The following TMEM272 variants were observed in gnomAD, a reference collection of about 807,000 sequenced individuals.
The protein encoded by TMEM272 is transmembrane protein 272.
A neutral mutation model predicts 3.7 loss-of-function variants in TMEM272; 8 were observed. That is an observed-to-expected ratio of 2.17 (90% confidence interval 1.27 to 3.91). The LOEUF is 3.91. TMEM272 is among the 30% of genes most tolerant of loss of function. The pLI is 0.00. For missense variants in TMEM272, 166 were observed against 91.5 expected (o/e 1.81, Z -3.32); for synonymous variants, 63 against 39.8 (o/e 1.58, Z -2.20).
chr13:51,900,145 G>A, the TMEM272 span, among the ~76,000 whole-genome samples: 343 of 152,182 alleles, frequency 2.3e-3, 3 homozygotes, highest in African/African-American at 7.6e-3. Context: ...AATGTAAATC[G>A]GACTTCTTCA....
chr13:51,832,482 G>A (rs766361083), intron 2 of TMEM272, among the ~76,000 whole-genome samples: 1 of 152,198 alleles, frequency 6.6e-6, no homozygotes, highest in Non-Finnish European at 1.5e-5. Context: ...GCTCCACTGA[G>A]CTATCAAATA....
chr13:51,887,684 G>A, the TMEM272 span, among the ~76,000 whole-genome samples: 1 of 152,146 alleles, frequency 6.6e-6, no homozygotes, highest in Non-Finnish European at 1.5e-5. Flanking sequence ...AGAGGTATTT[G>A]TTTCCACGAC....
chr13:51,911,986 G>A, the TMEM272 span, among the ~76,000 whole-genome samples: 451 of 152,006 alleles, frequency 3.0e-3, 1 homozygote, highest in African/African-American at 0.01. Flanking sequence ...CCCTTACTTC[G>A]GGCACCCACA....
the TMEM272 span, among the ~76,000 whole-genome samples, chr13:51,851,353 G>T: frequency 1.3e-5 from 2 of 148,262 alleles, no homozygotes; most frequent in Admixed American, 1.3e-4. Flanking sequence ...CAAAAAAAAA[G>T]AAGAGGAAGA....
chr13:51,902,745 C>T, the TMEM272 span, among the ~76,000 whole-genome samples: 10 of 152,276 alleles, frequency 6.6e-5, no homozygotes, highest in Non-Finnish European at 2.9e-5. Context: ...TTCTGCTAAG[C>T]TGCTCCCAAA....
chr13:51,922,914 G>A, the TMEM272 span, among the ~76,000 whole-genome samples: 1 of 152,078 alleles, frequency 6.6e-6, no homozygotes, highest in African/African-American at 2.4e-5. Context: ...TGATTATCTG[G>A]GGCCACCCAC....
At chr13:51,841,273 C>A (rs1956261375) in intron 1 of TMEM272, among the ~76,000 whole-genome samples, 1 of 152,204 alleles carries the variant, frequency 6.6e-6, no homozygotes, top group South Asian at 2.1e-4. Flanking sequence ...CAGCCACGAA[C>A]CACAGCATTT....
At chr13:51,879,547 T>C in the TMEM272 span, among the ~76,000 whole-genome samples, 1 of 152,148 alleles carries the variant, frequency 6.6e-6, no homozygotes, top group African/African-American at 2.4e-5. Flanking sequence ...AATTAAAAAT[T>C]TGTACAATTC....
the TMEM272 span, among the ~76,000 whole-genome samples, chr13:51,868,806 T>A: frequency 1.3e-5 from 2 of 152,244 alleles, no homozygotes; most frequent in African/African-American, 2.4e-5. Context: ...AAATGAATCA[T>A]CTTTTATTCC....
At chr13:51,859,437 G>C in the TMEM272 span, among the ~76,000 whole-genome samples, 8 of 151,102 alleles carry the variant, frequency 5.3e-5, no homozygotes, top group African/African-American at 2.0e-4. Context: ...GCGAAGGCTA[G>C]GCAGAATCAT....
chr13:51,910,925 C>T, the TMEM272 span, among the ~76,000 whole-genome samples: 1 of 152,200 alleles, frequency 6.6e-6, no homozygotes, highest in Admixed American at 6.5e-5. Context: ...CCAGCTATGC[C>T]CATCCCCAAG....
the TMEM272 span, chr13:51,933,547 A>C: frequency 6.6e-6 from 1 of 152,226 alleles, no homozygotes; most frequent in Non-Finnish European, 1.5e-5. Context: ...CTAAAACTGA[A>C]CCCGTTCTGC....
At chr13:51,908,851 G>A in the TMEM272 span, 12 of 1,435,614 alleles carry the variant, frequency 8.4e-6, no homozygotes, top group Non-Finnish European at 1.1e-5. Context: ...GGTGACAGGG[G>A]CCCAGTGTCA....
At chr13:51,866,224 G>A in the TMEM272 span, 27 of 699,872 alleles carry the variant, frequency 3.9e-5, no homozygotes, top group African/African-American at 4.9e-4. Context: ...GCAAGGTTTG[G>A]AAAACCAACT....
chr13:51,813,620 C>A lies in TMEM272; in HGVS notation c.*3131G>T. The stretch of plus-strand genomic sequence containing the variant: ...CACCGAATCAGAACCAGCTGGGCCC[C>A]ACAAGTCAGTCTCTGGGGGCTGTGA... On this transcript the variant is annotated 3_prime_UTR_variant, in exon 5 of 5. Transcript: ENST00000629372. 4.7e-6 allele frequency: 1 copy of A among 211,630 alleles called. No individual in the cohort carries two copies. Among genetic ancestry groups the A allele is most frequent in the Admixed American group, 5.9e-5 (1 of 16,990 alleles). The allele number at this position is 211,630 out of a possible 1,614,324, so 13.1% of individuals were successfully genotyped here.
chr13:51,914,229 G>T, the TMEM272 span, among the ~76,000 whole-genome samples: 2 of 152,226 alleles, frequency 1.3e-5, no homozygotes, highest in Non-Finnish European at 2.9e-5. Context: ...TACATGCAGA[G>T]TTGGATCGTG....
intron 1 of TMEM272, among the ~76,000 whole-genome samples, chr13:51,843,402 T>C (rs944168): frequency 0.14 from 20,587 of 152,188 alleles, 1,724 homozygotes; most frequent in African/African-American, 0.22. Context: ...AACTGCACGT[T>C]CCTTGGAGCC....
the TMEM272 span, among the ~76,000 whole-genome samples, chr13:51,864,122 T>C: frequency 6.6e-6 from 1 of 151,770 alleles, no homozygotes; most frequent in African/African-American, 2.4e-5. Flanking sequence ...CCTCTCTTTT[T>C]CTTTTCTTTT....
At chr13:51,841,616 A>C (rs59339237) in intron 1 of TMEM272, among the ~76,000 whole-genome samples, 112 of 152,364 alleles carry the variant, frequency 7.4e-4, no homozygotes, top group African/African-American at 2.6e-3. Flanking sequence ...TTTTTAATGC[A>C]AATGTCCTAA....
Sources: gnomAD v4.1 joint callset for allele counts (sites outside exome capture counted in the v4.1 genomes callset) on GRCh38, gnomAD v4.1.1 for gene constraint, MANE v1.5 for transcripts, NCBI Gene and HGNC (gene_info 2026-07-23, HGNC 2026-07-21) for gene names.